Variants in CWH43 observed in about 807,000 individuals in gnomAD.
The protein encoded by CWH43 is cell wall biogenesis 43 C-terminal homolog.
CWH43 carries 91 observed loss-of-function variants against 85.7 expected under a neutral mutation model. The observed-to-expected ratio is 1.06, with a 90% CI of 0.90 to 1.26. CWH43 has a LOEUF of 1.26. Ranked by LOEUF, CWH43 falls within the 50% of genes most tolerant of loss-of-function variation. CWH43 has a pLI of 0.00. For synonymous variants in CWH43, 323 were observed against 293.6 expected (o/e 1.10, Z -1.02); for missense variants, 869 against 839.2 (o/e 1.04, Z -0.44).
intron 15 of CWH43, among the ~76,000 whole-genome samples, chr4:49,051,516 A>C (rs893366417): frequency 2.0e-5 from 3 of 152,184 alleles, no homozygotes; most frequent in Admixed American, 2.0e-4. Flanking sequence ...TGCAGTTAGG[A>C]TTGAGACTGT....
intron 5 of CWH43, 103 bp from the exon 6 acceptor site, chr4:48,998,357 T>C (rs1782881352): frequency 1.2e-6 from 1 of 853,648 alleles, no homozygotes; most frequent in African/African-American, 1.7e-5. Flanking sequence ...ACACACGTTA[T>C]CTCTTATATG....
intron 6 of CWH43, among the ~76,000 whole-genome samples, chr4:49,001,497 G>T (rs1782987602): frequency 6.6e-6 from 1 of 152,030 alleles, no homozygotes; most frequent in Non-Finnish European, 1.5e-5. Flanking sequence ...AAAAAGGAAG[G>T]GAAATGCATG....
In CWH43 at chr4:49,050,712, C is replaced by T; in HGVS notation, c.1884C>T (p.Ile628=). 1.2e-6 allele frequency: 2 copies of T among 1,612,100 alleles called. No homozygotes were observed. The highest frequency in any genetic ancestry group is 1.7e-6 in the Non-Finnish European group (2 of 1,179,100). ...GCTACAGGTTGGGTTATGCAAGAATCTCCCATGCTGAACTGAGTGATTCAG... is the reference window on the plus strand; with the variant it reads ...GCTACAGGTTGGGTTATGCAAGAATTTCCCATGCTGAACTGAGTGATTCAG... The part of the protein sequence containing the change: ...RGLIRLGYAR[I]SHAELSDSEI... The change falls in exon 15 of 16, where the codon ATC becomes ATT. Residue 628 remains isoleucine, a synonymous_variant. Transcript: ENST00000226432.
chr4:48,994,944 G>C, intron 5 of CWH43, 124 bp downstream of exon 5: 1 of 806,560 alleles, frequency 1.2e-6, no homozygotes, highest in South Asian at 1.5e-5. Flanking sequence ...CTAGATATCA[G>C]AATGTGGCAT....
chr4:49,057,153 A>AATTTAGG (rs1712157316), intron 15 of CWH43, among the ~76,000 whole-genome samples: 1 of 152,196 alleles, frequency 6.6e-6, no homozygotes, highest in Non-Finnish European at 1.5e-5. Context: ...TTATTTTGCC[A>AATTTAGG]AAGTTAAGGA....
Position 49,025,884 on chromosome 4 carries a change from A to G in CWH43, c.1267-2745A>G, listed in dbSNP as rs1254241209. The stretch of plus-strand genomic sequence containing the variant: ...CAGCTGTGGTAGTATAGGCAGGATC[A>G]GGTGGTGGGTGGGGCCATGGAACTC... On this transcript the variant is annotated intron_variant, in intron 9 of 15. Coordinates refer to ENST00000226432, the MANE Select transcript of CWH43 (RefSeq NM_025087.3). Among the ~76,000 whole-genome samples, 4 of 152,216 alleles carry G rather than the reference A, an allele frequency of 2.6e-5. No homozygotes were observed. In the East Asian group the frequency reaches 7.7e-4, roughly 29 times the overall value.
At chr4:48,986,712 A>C (rs1782506933) in intron 1 of CWH43, 1 of 1,351,310 alleles carries the variant, frequency 7.4e-7, no homozygotes, top group East Asian at 2.9e-5. Flanking sequence ...CCGTCGCCCG[A>C]GTTCCCAGCA....
intron 9 of CWH43, among the ~76,000 whole-genome samples, chr4:49,028,204 C>CT (rs899840443): frequency 7.3e-5 from 11 of 151,484 alleles, no homozygotes; most frequent in East Asian, 1.9e-4. Context: ...TTGCAACATA[C>CT]TTTTTTTTTA....
intron 13 of CWH43, among the ~76,000 whole-genome samples, chr4:49,039,895 G>C (rs994688582): frequency 6.7e-6 from 1 of 149,062 alleles, no homozygotes; most frequent in Non-Finnish European, 1.5e-5. Context: ...TCCCTCCCCC[G>C]TCCCCACACC....
intron 9 of CWH43, among the ~76,000 whole-genome samples, chr4:49,021,959 C>G (rs1203340477): frequency 6.6e-6 from 1 of 152,012 alleles, no homozygotes; most frequent in Non-Finnish European, 1.5e-5. Flanking sequence ...TTGGTGGAGT[C>G]TTTGGGGTTT....
In CWH43 at chr4:49,030,952, C is replaced by A; in HGVS notation, c.1500C>A (p.His500Gln). ...YTDFGPSTRY[H>Q]TWGIMALSRY... ...ACTTTGGTCCAAGCACAAGGTATCA[C>A]ACTTGGGGGTGAGTATACCTTGGGA... The change falls in exon 11 of 16, where the codon CAC (histidine) becomes CAA (glutamine). Residue 500 changes from histidine to glutamine, a missense_variant. Physicochemically the swap from His to Gln is conservative, Grantham distance 24. Transcript: ENST00000226432. 1 of 1,591,362 alleles carries A rather than the reference C, an allele frequency of 6.3e-7. No homozygotes were observed. The highest frequency in any genetic ancestry group is 8.5e-7 in the Non-Finnish European group (1 of 1,172,214).
chr4:49,040,043 G>T (rs1410423590), intron 13 of CWH43, among the ~76,000 whole-genome samples: 2 of 152,104 alleles, frequency 1.3e-5, no homozygotes, highest in Non-Finnish European at 2.9e-5. Flanking sequence ...ATGGTTTCCA[G>T]TTTCATCCAT....
chr4:49,026,394 C>A (rs1162997487), intron 9 of CWH43, among the ~76,000 whole-genome samples: 1 of 152,172 alleles, frequency 6.6e-6, no homozygotes, highest in African/African-American at 2.4e-5. Flanking sequence ...TTGGCATGTT[C>A]CTGTGGTAGT....
chr4:49,017,201 T>C, intron 8 of CWH43, 48 bp from the exon 9 acceptor site: 1 of 1,487,418 alleles, frequency 6.7e-7, no homozygotes, highest in East Asian at 2.4e-5. Context: ...AAATTTATTT[T>C]ATTTTATTTA....
chr4:48,994,587 AC>A (rs1473924953), intron 4 of CWH43, 31 bp from the exon 5 acceptor site: 39 of 1,577,972 alleles, frequency 2.5e-5, no homozygotes, highest in Non-Finnish European at 3.1e-5. Flanking sequence ...ATATAACTAA[AC>A]TTTTTCCATA....
chr4:49,014,479 A>AAT, intron 8 of CWH43, among the ~76,000 whole-genome samples: 1 of 150,672 alleles, frequency 6.6e-6, no homozygotes, highest in East Asian at 2.0e-4. Flanking sequence ...AAAAAAAGAG[A>AAT]GAAGAAAAGA....
Position 49,009,302 on chromosome 4 carries a change from T to C in CWH43, c.1186+1976T>C, listed in dbSNP as rs188849225. The stretch of plus-strand genomic sequence containing the variant: ...GTCTGTTATTGGTGTATAGGAATGG[T>C]TGGGATTTTTGCACACTGATTTTGT... On this transcript the variant is annotated intron_variant, in intron 8 of 15. Transcript: ENST00000226432. 5.3e-5 allele frequency among the ~76,000 whole-genome samples: 8 copies of C among 152,278 alleles called. No homozygotes were observed. In the East Asian group the frequency reaches 7.7e-4, roughly 15 times the overall value.
chr4:48,994,693 C>T lies in CWH43; in HGVS notation c.586C>T (p.Leu196=), dbSNP rs542406303. 1.2e-6 allele frequency: 2 copies of T among 1,614,200 alleles called. No homozygotes were observed. Among genetic ancestry groups the T allele is most frequent in the African/African-American group, 1.3e-5 (1 of 75,056 alleles). ...ATGMASRPNW[L]LAGAAFGSLV... ...GGGGATGGCCTCTAGACCCAACTGGCTGCTGGCAGGGGCTGCTTTTGGTAG... is the reference window on the plus strand; with the variant it reads ...GGGGATGGCCTCTAGACCCAACTGGTTGCTGGCAGGGGCTGCTTTTGGTAG... Residue 196 remains leucine, a synonymous_variant, in exon 5 of 16, where the codon CTG becomes TTG. Coordinates refer to ENST00000226432, the MANE Select transcript of CWH43 (RefSeq NM_025087.3).
chr4:49,033,470 C>G (rs76816844), intron 12 of CWH43, among the ~76,000 whole-genome samples: 2 of 152,008 alleles, frequency 1.3e-5, no homozygotes, highest in African/African-American at 4.8e-5. Context: ...AAGAAGAGGA[C>G]GGAAAACAGC....
Sources: allele counts gnomAD v4.1 joint callset (sites outside exome capture counted in the v4.1 genomes callset), GRCh38; gene constraint gnomAD v4.1.1; transcripts MANE v1.5; gene names NCBI Gene and HGNC (gene_info 2026-07-23, HGNC 2026-07-21).